Variants in DUSP22 observed in about 807,000 individuals in gnomAD.
DUSP22 encodes the protein dual specificity phosphatase 22.
Under a neutral mutation model 24.5 loss-of-function variants are expected in DUSP22, and 24 were observed. The observed-to-expected ratio is 0.98, with a 90% CI of 0.71 to 1.38. The LOEUF (loss-of-function observed/expected upper bound fraction) is 1.38. Among genes scored for constraint, DUSP22 ranks in the 40% most tolerant of loss-of-function variants. The probability of loss-of-function intolerance (pLI) is 0.00; values close to 1 mark genes in which losing one functional copy is unlikely to be tolerated. For missense variants in DUSP22, 330 were observed against 269.2 expected, an observed-to-expected ratio of 1.23 and a Z score of -1.58; for synonymous variants, 160 against 106.4, an observed-to-expected ratio of 1.50 and a Z score of -3.10.
intron 4 of DUSP22, among the ~76,000 whole-genome samples, chr6:342,329 C>T (rs1474720837): frequency 7.2e-5 from 11 of 152,304 alleles, no homozygotes; most frequent in Admixed American, 5.2e-4. Context: ...CCAGCGTGGG[C>T]ACAGCAGTCA....
At chr6:343,130 C>T (rs189361745) in intron 4 of DUSP22, among the ~76,000 whole-genome samples, 2 of 152,304 alleles carry the variant, frequency 1.3e-5, no homozygotes, top group Non-Finnish European at 1.5e-5. Context: ...GGGATTACAG[C>T]AGGAATCCTT....
intron 3 of DUSP22, among the ~76,000 whole-genome samples, chr6:324,284 G>T (rs563774842): frequency 2.0e-5 from 3 of 152,302 alleles, no homozygotes; most frequent in Non-Finnish European, 4.4e-5. Context: ...AGCGGCAGGC[G>T]TGGAGAGGGT....
At chr6:314,045 G>A (rs1439637551) in intron 3 of DUSP22, among the ~76,000 whole-genome samples, 1 of 152,312 alleles carries the variant, frequency 6.6e-6, no homozygotes, top group Non-Finnish European at 1.5e-5. Context: ...TGGAGTCGGT[G>A]GGGAATTAGC....
chr6:296,611 G>GAAA (rs1757341097), intron 1 of DUSP22, among the ~76,000 whole-genome samples: 1 of 152,310 alleles, frequency 6.6e-6, no homozygotes, highest in East Asian at 1.9e-4. Flanking sequence ...CAAATCTTTT[G>GAAA]GGGGAGAGCC....
In DUSP22 at chr6:304,639, C is replaced by T. The variant is rs767041471; in HGVS notation, c.33C>T (p.Gly11=). The T allele has an allele frequency of 3.1e-6, 5 of 1,614,144 alleles. No individual in the cohort carries two copies. The African/African-American group carries it at 4.0e-5, about 13-fold the overall frequency. ...TGTCTCTCTCCTAGATCCTGCCCGG[C>T]CTGTACATCGGCAACTTCAAAGGTG... is the stretch of plus-strand genomic sequence containing the variant. MGNGMNKILP[G]LYIGNFKDAR... The change falls in exon 2 of 7, where the codon GGC becomes GGT. Residue 11 remains glycine, a synonymous_variant. Transcript: ENST00000419235.
chr6:303,564 TAG>T (rs530881896), intron 1 of DUSP22, among the ~76,000 whole-genome samples: 185 of 152,348 alleles, frequency 1.2e-3, no homozygotes, highest in Middle Eastern at 3.4e-3. Context: ...TGAAGGAAGA[TAG>T]GGGAGCTGCA....
intron 3 of DUSP22, among the ~76,000 whole-genome samples, chr6:322,350 C>G (rs1485923149): frequency 6.6e-6 from 1 of 152,294 alleles, no homozygotes; most frequent in Non-Finnish European, 1.5e-5. Context: ...CCTGTAACCC[C>G]TTGTGTGGGT....
chr6:309,500 T>C (rs1172141220), intron 2 of DUSP22, among the ~76,000 whole-genome samples: 1 of 152,308 alleles, frequency 6.6e-6, no homozygotes, highest in African/African-American at 2.4e-5. Context: ...AAAAGTGGTA[T>C]TTTAATATCA....
intron 1 of DUSP22, among the ~76,000 whole-genome samples, chr6:293,177 C>A (rs1757173982): frequency 6.6e-6 from 1 of 152,284 alleles, no homozygotes; most frequent in Non-Finnish European, 1.5e-5. Context: ...GCTGATGAGG[C>A]CTTCTGGAAA....
intron 4 of DUSP22, among the ~76,000 whole-genome samples, chr6:343,802 C>T (rs1401235682): frequency 1.4e-5 from 2 of 144,958 alleles, no homozygotes; most frequent in African/African-American, 5.2e-5. Flanking sequence ...CAGTCAGTAC[C>T]TGGGTGAGTT....
At position 346,457 on chromosome 6, in the gene DUSP22, C is replaced by CAG. The variant is rs1254576622; in HGVS notation, c.263+530_263+531dup. On this transcript the variant is annotated intron_variant, in intron 5 of 6. Transcript: ENST00000419235. ...ACACACACACACACACACACACACA[C>CAG]AGTGAAAAGAAAGCTACTGTATCAC... is the stretch of plus-strand genomic sequence containing the variant. Among the ~76,000 whole-genome samples, 16 of 152,378 alleles carry CAG rather than the reference C, an allele frequency of 1.1e-4. No homozygotes were observed. The South Asian group carries it at 1.5e-3, about 14-fold the overall frequency.
rs576990114 is a variant in DUSP22 at position 350,869 on chromosome 6, T to C, written c.*1918T>C. 10 of 1,614,246 alleles carry C rather than the reference T, an allele frequency of 6.2e-6. No individual in the cohort carries two copies. In the South Asian group the frequency reaches 9.9e-5, roughly 16 times the overall value. On this transcript the variant is annotated 3_prime_UTR_variant, in exon 7 of 7. Transcript: ENST00000419235. ...CTGGGCCTTTCTCAGAAGACTGTAATGTACCTGAAGTTTCTGAAATATTGC... is the reference window on the plus strand; with the variant it reads ...CTGGGCCTTTCTCAGAAGACTGTAACGTACCTGAAGTTTCTGAAATATTGC...
intron 4 of DUSP22, among the ~76,000 whole-genome samples, chr6:342,597 A>G (rs975393161): frequency 6.6e-6 from 1 of 152,308 alleles, no homozygotes; most frequent in Non-Finnish European, 1.5e-5. Context: ...CTAGTTGCTG[A>G]TATCAGGTAG....
intron 5 of DUSP22, among the ~76,000 whole-genome samples, chr6:346,939 A>G (rs571129986): frequency 1.6e-3 from 248 of 152,316 alleles, no homozygotes; most frequent in African/African-American, 5.7e-3. Flanking sequence ...AGGACGCTAG[A>G]TAGTTGAGTT....
rs954867074 is a variant in DUSP22, at chr6:329,596, G to A, written c.139-5518G>A. 3.3e-5 allele frequency among the ~76,000 whole-genome samples: 5 copies of A among 152,414 alleles called. No homozygotes were observed. In the Middle Eastern group the frequency reaches 0.01, roughly 311 times the overall value. On this transcript the variant is annotated intron_variant, in intron 3 of 6. Coordinates refer to ENST00000419235, the MANE Select transcript of DUSP22 (RefSeq NM_001286555.3). ...GCCTCCTGAGTAGCTGGGATTACAAGTGCATGCCACCACGCCTGGCTAATT... is the reference window on the plus strand; with the variant it reads ...GCCTCCTGAGTAGCTGGGATTACAAATGCATGCCACCACGCCTGGCTAATT...
In DUSP22 at chr6:350,680, A is replaced by AATAAAT. The variant is rs113256384; in HGVS notation, c.*1731_*1736dup. 13,257 of 1,549,834 alleles carry AATAAAT rather than the reference A, an allele frequency of 8.6e-3. 6 individuals are homozygous for AATAAAT. Among genetic ancestry groups the AATAAAT allele is most frequent in the African/African-American group, 0.03 (2,159 of 71,866 alleles). On this transcript the variant is annotated 3_prime_UTR_variant, in exon 7 of 7. Coordinates refer to ENST00000419235, the MANE Select transcript of DUSP22 (RefSeq NM_001286555.3). ...AAGTACATGTTTTTCCTAAGCCAAA[A>AATAAAT]ATAAATACGTTAACAGAAAAATGAT...
intron 4 of DUSP22, among the ~76,000 whole-genome samples, chr6:336,479 G>A (rs974807225): frequency 2.6e-5 from 4 of 152,426 alleles, no homozygotes; most frequent in East Asian, 3.8e-4. Context: ...GCCATCAGCC[G>A]ACCTTGAGCC....
At chr6:324,409 A>G (rs1002968827) in intron 3 of DUSP22, among the ~76,000 whole-genome samples, 1 of 152,302 alleles carries the variant, frequency 6.6e-6, no homozygotes, top group Non-Finnish European at 1.5e-5. Context: ...CGCGAACCTC[A>G]GGCAGTGAGT....
intron 1 of DUSP22, among the ~76,000 whole-genome samples, chr6:303,424 A>G (rs1375955104): frequency 1.3e-5 from 2 of 152,426 alleles, no homozygotes; most frequent in East Asian, 3.9e-4. Context: ...GAGCCACAAT[A>G]GATCCCCTGC....
Sources: allele counts gnomAD v4.1 joint callset (sites outside exome capture counted in the v4.1 genomes callset), GRCh38; gene constraint gnomAD v4.1.1; transcripts MANE v1.5; gene names NCBI Gene and HGNC (gene_info 2026-07-23, HGNC 2026-07-21).